The following RYR3 variants were observed in gnomAD, a reference collection of about 807,000 sequenced individuals.
The protein encoded by RYR3 is brain ryanodine receptor-calcium release channel.
In RYR3, 207 loss-of-function variants were observed where a neutral mutation model predicts 584.3. That is an observed-to-expected ratio of 0.35 (90% CI 0.32 to 0.40). The LOEUF is 0.40. RYR3 is among the 10% of genes least tolerant of loss of function. RYR3 has a pLI of 1.00. For synonymous variants in RYR3, 2,416 were observed against 2,248.5 expected, an observed-to-expected ratio of 1.07 and a Z score of -2.11; for missense variants, 5,616 against 6,089.2, an observed-to-expected ratio of 0.92 and a Z score of 2.59.
intron 67 of RYR3, among the ~76,000 whole-genome samples, chr15:33,792,271 C>A (rs963336369): frequency 1.3e-5 from 2 of 152,106 alleles, no homozygotes; most frequent in Non-Finnish European, 2.9e-5. Context: ...GATATCTGAG[C>A]ACCATTTAGA....
intron 68 of RYR3, 151 bp from the exon 69 acceptor site, chr15:33,801,718 C>A: frequency 3.3e-6 from 2 of 598,896 alleles, no homozygotes; most frequent in South Asian, 4.2e-5. Flanking sequence ...CCCCCTCTTC[C>A]CATAATGGAA....
rs765510646 is a variant in RYR3 at position 33,633,102 on chromosome 15, C to T, written c.3021C>T (p.Ile1007=). ...DRIKQGWTYG[I]QQDLKNKRNP... is the part of the protein sequence containing the mutation. ...TAAAACAAGGATGGACCTATGGCAT[C>T]CAACAGGTAAGAAATTCTGGGTCAG... The change falls in exon 24 of 104, where the codon ATC becomes ATT. Residue 1007 remains isoleucine (I), a synonymous_variant. Transcript: ENST00000634891. 6 of 1,611,640 alleles carry T rather than the reference C, an allele frequency of 3.7e-6. No homozygotes were observed. In the East Asian group the frequency reaches 8.9e-5, roughly 24 times the overall value.
chr15:33,673,146 A>G (rs1011451993), intron 38 of RYR3, among the ~76,000 whole-genome samples: 12 of 152,238 alleles, frequency 7.9e-5, no homozygotes, highest in Admixed American at 4.6e-4. Flanking sequence ...TGCCTACTAC[A>G]TCTGTGAGAT....
At chr15:33,337,056 C>CAAAAAAAAA (rs71117134) in intron 1 of RYR3, among the ~76,000 whole-genome samples, 3 of 48,972 alleles carry the variant, frequency 6.1e-5, no homozygotes, top group African/African-American at 8.8e-5. Flanking sequence ...GACTCCGTCT[C>CAAAAAAAAA]AAAAAAAAAA....
chr15:33,394,370 A>G (rs976516817), intron 1 of RYR3, among the ~76,000 whole-genome samples: 1 of 152,254 alleles, frequency 6.6e-6, no homozygotes, highest in Admixed American at 6.5e-5. Context: ...GAGAAGCAGA[A>G]AAATCGGAGT....
chr15:33,662,801 G>A lies in RYR3; in HGVS notation c.5271G>A (p.Glu1757=). 1 of 1,614,016 alleles carries A rather than the reference G, an allele frequency of 6.2e-7. No individual in the cohort carries two copies. The highest frequency in any genetic ancestry group is 8.5e-7 in the Non-Finnish European group (1 of 1,179,900). Reference sequence around the variant, plus strand: ...TGATTGATCCCTCTGTGTTTGGGGAGCATAGTGCGGGGACAGAGGAGGGAG... The same window carrying A: ...TGATTGATCCCTCTGTGTTTGGGGAACATAGTGCGGGGACAGAGGAGGGAG... ...LLLIDPSVFG[E]HSAGTEEGAE... is the part of the protein sequence containing the mutation. The change falls in exon 35 of 104, where the codon GAG becomes GAA. Residue 1757 remains glutamate (E), a synonymous_variant. Transcript: ENST00000634891.
At chr15:33,503,042 G>A (rs2052138863) in intron 2 of RYR3, among the ~76,000 whole-genome samples, 1 of 152,186 alleles carries the variant, frequency 6.6e-6, no homozygotes, top group African/African-American at 2.4e-5. Flanking sequence ...ACTGGTCACT[G>A]TTAACTGATT....
chr15:33,547,005 G>A (rs959651695), intron 8 of RYR3, among the ~76,000 whole-genome samples: 21 of 152,194 alleles, frequency 1.4e-4, no homozygotes, highest in Admixed American at 3.3e-4. Context: ...AAGATTCTCA[G>A]AAAGTGGCTG....
chr15:33,792,153 G>T (rs2075199185), intron 67 of RYR3, among the ~76,000 whole-genome samples: 1 of 152,164 alleles, frequency 6.6e-6, no homozygotes, highest in Middle Eastern at 3.2e-3. Context: ...TGTGCTAAAA[G>T]CATGGATAAA....
intron 10 of RYR3, among the ~76,000 whole-genome samples, chr15:33,552,171 C>T (rs1204455846): frequency 6.6e-6 from 1 of 152,156 alleles, no homozygotes; most frequent in Non-Finnish European, 1.5e-5. Flanking sequence ...AGGCAGCTGG[C>T]AGGATCCTGT....
chr15:33,647,193 C>T (rs182448623), intron 29 of RYR3, among the ~76,000 whole-genome samples: 3 of 152,326 alleles, frequency 2.0e-5, no homozygotes, highest in Admixed American at 6.5e-5. Flanking sequence ...CTCAACTTAC[C>T]ATCTAACTTA....
intron 1 of RYR3, among the ~76,000 whole-genome samples, chr15:33,382,712 C>T (rs1301652418): frequency 6.6e-6 from 1 of 152,138 alleles, no homozygotes; most frequent in Non-Finnish European, 1.5e-5. Context: ...ATATAAATTA[C>T]ATAAAATGCA....
intron 103 of RYR3, 40 bp from the exon 104 acceptor site, chr15:33,865,091 G>C (rs772528465): frequency 6.6e-7 from 1 of 1,515,476 alleles, no homozygotes. Context: ...AGCTTTTACT[G>C]TGGTTTAAAA....
At chr15:33,864,025 A>G (rs1366917979) in intron 102 of RYR3, 113 bp from the exon 103 acceptor site, 1 of 689,638 alleles carries the variant, frequency 1.5e-6, no homozygotes, top group Admixed American at 2.4e-5. Flanking sequence ...CATTTAAGTC[A>G]CTGTAGATAG....
intron 1 of RYR3, among the ~76,000 whole-genome samples, chr15:33,354,993 G>A (rs2140958981): frequency 6.6e-6 from 1 of 152,210 alleles, no homozygotes; most frequent in South Asian, 2.1e-4. Flanking sequence ...AGACCAGCCT[G>A]GCCAACATGG....
At chr15:33,468,550 A>G (rs200524495) in intron 1 of RYR3, among the ~76,000 whole-genome samples, 2 of 152,324 alleles carry the variant, frequency 1.3e-5, no homozygotes, top group East Asian at 1.9e-4. Context: ...TGACCCTGTT[A>G]TGTGGGTGAA....
Position 33,496,915 on chromosome 15 carries a change from C to A in RYR3, c.172-6716C>A, listed in dbSNP as rs552762236. 1.1e-3 allele frequency among the ~76,000 whole-genome samples: 169 copies of A among 151,170 alleles called. 1 individual carries two copies. Among genetic ancestry groups the A allele is most frequent in the South Asian group, 1.9e-3 (9 of 4,780 alleles). Reference sequence around the variant, plus strand: ...CTCGTGTACAGTAGATCTGTTTCTTCAAATAGGTAAAAAAAAAATTCCTTG... The same window carrying A: ...CTCGTGTACAGTAGATCTGTTTCTTAAAATAGGTAAAAAAAAAATTCCTTG... On this transcript the variant is annotated intron_variant, in intron 2 of 103. Transcript: ENST00000634891.
At position 33,473,477 on chromosome 15, in the gene RYR3, G is replaced by T. The variant is rs1335719597; in HGVS notation, c.110G>T (p.Cys37Phe). The change falls in exon 2 of 104, where the codon TGC (cysteine) becomes TTC (phenylalanine). Residue 37 changes from cysteine to phenylalanine, a missense_variant. Coordinates refer to ENST00000634891, the MANE Select transcript of RYR3 (RefSeq NM_001036.6). ...ATTCATAAGGAGCAGAGGAAGTTCT[G>T]CCTGGCAGCCGAGGGACTTGGGAAT... is the stretch of plus-strand genomic sequence containing the variant. ...ATIHKEQRKF[C>F]LAAEGLGNRL... 1 of 1,613,780 alleles carries T rather than the reference G, an allele frequency of 6.2e-7. No individual in the cohort carries two copies. Among genetic ancestry groups the T allele is most frequent in the Non-Finnish European group, 8.5e-7 (1 of 1,179,862 alleles).
At chr15:33,488,449 C>CTTTTTTTTTTTTTTTTTTTTT (rs72098093) in intron 2 of RYR3, among the ~76,000 whole-genome samples, 1 of 127,502 alleles carries the variant, frequency 7.8e-6, no homozygotes, top group Non-Finnish European at 1.7e-5. Flanking sequence ...ACAGTCTTGC[C>CTTTTTTTTTTTTTTTTTTTTT]TTTTTTTTTT....
Sources: allele counts gnomAD v4.1 joint callset (sites outside exome capture counted in the v4.1 genomes callset), GRCh38; gene constraint gnomAD v4.1.1; transcripts MANE v1.5; gene names NCBI Gene and HGNC (gene_info 2026-07-23, HGNC 2026-07-21).